The following ZBTB40 variants were observed in gnomAD, a reference collection of about 807,000 sequenced individuals.
ZBTB40 encodes zinc finger and BTB domain containing 40.
ZBTB40 carries 60 observed loss-of-function variants against 117.5 expected under a neutral mutation model. That is an observed-to-expected ratio of 0.51 (90% CI 0.41 to 0.63). The LOEUF (loss-of-function observed/expected upper bound fraction) is 0.63. Ranked by LOEUF, ZBTB40 falls within the 30% of genes least tolerant of loss-of-function variation. The pLI is 0.00. For missense variants in ZBTB40, 1,287 were observed against 1,498.5 expected (o/e 0.86, Z 2.33); for synonymous variants, 525 against 577.1 (o/e 0.91, Z 1.29).
At chr1:22,467,921 C>A (rs1435898154) in intron 1 of ZBTB40, among the ~76,000 whole-genome samples, 1 of 151,670 alleles carries the variant, frequency 6.6e-6, no homozygotes, top group African/African-American at 2.4e-5. Flanking sequence ...TAGGGAGACC[C>A]TGTCTACAAA....
intron 1 of ZBTB40, among the ~76,000 whole-genome samples, chr1:22,443,241 G>A (rs1161847650): frequency 6.6e-6 from 1 of 152,140 alleles, no homozygotes; most frequent in Non-Finnish European, 1.5e-5. Flanking sequence ...GAGTGACCAT[G>A]GCCCGGGGTA....
chr1:22,502,348 A>G lies in ZBTB40; in HGVS notation c.1074A>G (p.Lys358=). 1 of 1,614,066 alleles carries G rather than the reference A, an allele frequency of 6.2e-7. No individual in the cohort carries two copies. Among genetic ancestry groups the G allele is most frequent in the Non-Finnish European group, 8.5e-7 (1 of 1,179,968 alleles). The change falls in exon 5 of 18, where the codon AAA becomes AAG. Residue 358 remains lysine (K), a synonymous_variant. Transcript: ENST00000375647. ...KTLSVLLLEH[K]EDLIQCVTQL... ...TGTCTGTTCTGTTACTAGAACACAA[A>G]GAGGACCTGATACAGTGTGTAACAC...
upstream of ZBTB40, among the ~76,000 whole-genome samples, chr1:22,450,899 GTA>G (rs1345907008): frequency 1.3e-5 from 2 of 152,196 alleles, no homozygotes; most frequent in African/African-American, 4.8e-5. Flanking sequence ...ATTTGGGCAC[GTA>G]ACTGTCAGGG....
rs881646 is a variant in ZBTB40, at chr1:22,526,222, G to T, written c.3546G>T (p.Pro1182=). The change falls in exon 18 of 18, where the codon CCG becomes CCT. Residue 1182 remains proline, a synonymous_variant. Coordinates refer to ENST00000375647, the MANE Select transcript of ZBTB40 (RefSeq NM_014870.4). ...TTCAGGTGATCCAAACCCCAGAGCC[G>T]GTGGCCCCGACAGAGCAGGTGATCA... ...QMAQVIQTPE[P]VAPTEQVITL... is the part of the protein sequence containing the mutation. 13 of 1,613,910 alleles carry T rather than the reference G, an allele frequency of 8.1e-6. No individual in the cohort carries two copies. The highest frequency in any genetic ancestry group is 2.2e-5 in the East Asian group (1 of 44,852).
At position 22,511,725 on chromosome 1, in the gene ZBTB40, T is replaced by C. The variant is rs1557517691; in HGVS notation, c.2052T>C (p.Asn684=). The part of the protein sequence containing the change: ...DGEKETWKVS[N]KFHLEANNKE... ...AGAAGGAAACGTGGAAGGTGAGTAATAAATTTCACCTTGAAGCCAACAACA... is the reference window on the plus strand; with the variant it reads ...AGAAGGAAACGTGGAAGGTGAGTAACAAATTTCACCTTGAAGCCAACAACA... Residue 684 remains asparagine (N), a synonymous_variant, in exon 11 of 18, where the codon AAT becomes AAC. Coordinates refer to ENST00000375647, the MANE Select transcript of ZBTB40 (RefSeq NM_014870.4). 1 of 1,607,454 alleles carries C rather than the reference T, an allele frequency of 6.2e-7. No individual in the cohort carries two copies. Among genetic ancestry groups the C allele is most frequent in the Non-Finnish European group, 8.5e-7 (1 of 1,178,288 alleles).
chr1:22,457,007 C>G (rs752560655), intron 1 of ZBTB40, among the ~76,000 whole-genome samples: 7 of 152,296 alleles, frequency 4.6e-5, no homozygotes, highest in South Asian at 4.1e-4. Context: ...GTGGCTCATG[C>G]CTGTGATCCC....
chr1:22,455,003 G>C (rs549969408), intron 1 of ZBTB40, among the ~76,000 whole-genome samples: 16 of 152,336 alleles, frequency 1.1e-4, no homozygotes, highest in African/African-American at 3.6e-4. Context: ...TCTCCAGAAA[G>C]AGGGGAGCAG....
At chr1:22,431,380 G>GTATATATATA (rs1299801234) in intron 1 of ZBTB40, among the ~76,000 whole-genome samples, 89 of 15,224 alleles carry the variant, frequency 5.8e-3, no homozygotes, top group African/African-American at 8.9e-3. Flanking sequence ...GTGTGTGTGT[G>GTATATATATA]TGTGTATATA....
chr1:22,502,551 A>T (rs977640246), intron 5 of ZBTB40, 110 bp downstream of exon 5: 2 of 1,425,756 alleles, frequency 1.4e-6, no homozygotes, highest in African/African-American at 2.8e-5. Context: ...TACATACTGC[A>T]TAGTAAGCAT....
In ZBTB40 at chr1:22,511,804, C is replaced by G. The variant is rs1469931112; in HGVS notation, c.2131C>G (p.Gln711Glu). The G allele has an allele frequency of 6.2e-7, 1 of 1,613,910 alleles. No homozygotes were observed. The highest frequency in any genetic ancestry group is 8.5e-7 in the Non-Finnish European group (1 of 1,179,976). ...CAGCCAGCCTGGGGAACAGAATGAT[C>G]AAGGAGAGACTGGTTCCTTGCCAGG... Reference protein sequence around the residue: ...EDSQPGEQNDQGETGSLPGQQ... With the variant: ...EDSQPGEQNDEGETGSLPGQQ... Residue 711 changes from glutamine (Q) to glutamate (E), a missense_variant, in exon 11 of 18, where the codon CAA becomes GAA. Physicochemically the swap from Gln to Glu is conservative, Grantham distance 29. Around this residue, in one of 2 missense-constraint regions of ZBTB40, gnomAD observed 870 missense variants for 934.4 expected, o/e 0.93. Coordinates refer to ENST00000375647, the MANE Select transcript of ZBTB40 (RefSeq NM_014870.4).
At chr1:22,496,723 T>G (rs963694026) in intron 3 of ZBTB40, among the ~76,000 whole-genome samples, 1 of 152,190 alleles carries the variant, frequency 6.6e-6, no homozygotes, top group Non-Finnish European at 1.5e-5. Context: ...TCAGCAATGC[T>G]TCCTCTCTGT....
intron 14 of ZBTB40, among the ~76,000 whole-genome samples, 197 bp downstream of exon 14, chr1:22,520,472 G>A (rs904418730): frequency 3.9e-5 from 6 of 152,214 alleles, no homozygotes; most frequent in African/African-American, 1.4e-4. Flanking sequence ...CAGTGGGGGA[G>A]CTCATTATTG....
chr1:22,446,223 G>GAAAA (rs71020420), intron 1 of ZBTB40, among the ~76,000 whole-genome samples: 1 of 111,590 alleles, frequency 9.0e-6, no homozygotes. Context: ...CTCCAAAACT[G>GAAAA]AAAAAAAAAA....
chr1:22,511,452 A>C, intron 10 of ZBTB40, 105 bp downstream of exon 10: 1 of 1,468,832 alleles, frequency 6.8e-7, no homozygotes. Flanking sequence ...ACCTTAAGTT[A>C]CGTATTCATT....
rs573126755 is a variant in ZBTB40, at chr1:22,502,526, TTTGCAGTATTTTAATACATACTGCATAG to T, written c.1167+87_1167+114del. ...TTTTGTGGCACATAGCACTTTATAC[TTTGCAGTATTTTAATACATACTGCATAG>T]TAAGCATCTCGAAGTCAAGGTGCTT... On this transcript the variant is annotated intron_variant, in intron 5 of 17. Coordinates refer to ENST00000375647, the MANE Select transcript of ZBTB40 (RefSeq NM_014870.4). 147 of 1,562,574 alleles carry T rather than the reference TTTGCAGTATTTTAATACATACTGCATAG, an allele frequency of 9.4e-5. No homozygotes were observed. In the South Asian group the frequency reaches 1.6e-3, roughly 17 times the overall value.
At chr1:22,440,273 T>A (rs1640715803) in intron 1 of ZBTB40, among the ~76,000 whole-genome samples, 1 of 152,184 alleles carries the variant, frequency 6.6e-6, no homozygotes. Context: ...CAAATAGAGG[T>A]AATTTTACTT....
At position 22,511,726 on chromosome 1, in the gene ZBTB40, A is replaced by G. The variant is rs1452685960; in HGVS notation, c.2053A>G (p.Lys685Glu). 6.2e-7 allele frequency: 1 copy of G among 1,607,514 alleles called. No homozygotes were observed. The highest frequency in any genetic ancestry group is 1.7e-5 in the Admixed American group (1 of 58,294). ...GAAGGAAACGTGGAAGGTGAGTAAT[A>G]AATTTCACCTTGAAGCCAACAACAA... ...GEKETWKVSN[K>E]FHLEANNKED... The change falls in exon 11 of 18, where the codon AAA becomes GAA. Residue 685 changes from lysine to glutamate, a missense_variant. Coordinates refer to ENST00000375647, the MANE Select transcript of ZBTB40 (RefSeq NM_014870.4).
intron 5 of ZBTB40, 103 bp downstream of exon 5, chr1:22,502,544 A>C (rs1402221232): frequency 2.0e-6 from 3 of 1,463,458 alleles, no homozygotes; most frequent in Non-Finnish European, 1.9e-6. Context: ...ATTTTAATAC[A>C]TACTGCATAG....
upstream of ZBTB40, among the ~76,000 whole-genome samples, chr1:22,447,232 T>C (rs779690081): frequency 5.3e-5 from 8 of 152,184 alleles, no homozygotes; most frequent in Non-Finnish European, 1.0e-4. Flanking sequence ...AAGTTGATTC[T>C]AAAGGAAATG....
Sources: allele counts gnomAD v4.1 joint callset (sites outside exome capture counted in the v4.1 genomes callset), GRCh38; gene constraint gnomAD v4.1.1; regional missense constraint gnomAD v4.1.1; transcripts MANE v1.5; gene names NCBI Gene and HGNC (gene_info 2026-07-23, HGNC 2026-07-21).